Variants in STX18 observed in about 807,000 individuals in gnomAD.
STX18 encodes the protein syntaxin-18.
Under a neutral mutation model 50.1 loss-of-function variants are expected in STX18, and 40 were observed. The ratio of observed to expected loss-of-function variants is 0.80; its 90% CI spans 0.62 to 1.04. STX18 has a LOEUF of 1.04. Among genes scored for constraint, STX18 ranks in the 50% least tolerant of loss-of-function variants. The probability of loss-of-function intolerance (pLI) is 0.00; values close to 1 mark genes in which losing one functional copy is unlikely to be tolerated. For synonymous variants in STX18, 158 were observed against 151.8 expected, an observed-to-expected ratio of 1.04 and a Z score of -0.30; for missense variants, 410 against 415.8, an observed-to-expected ratio of 0.99 and a Z score of 0.12.
intron 1 of STX18, among the ~76,000 whole-genome samples, chr4:4,495,005 T>C (rs970080514): frequency 6.6e-6 from 1 of 152,206 alleles, no homozygotes; most frequent in African/African-American, 2.4e-5. Flanking sequence ...GATTCTAATG[T>C]ACAATCAGGG....
chr4:4,480,466 G>C (rs776585295), intron 1 of STX18, among the ~76,000 whole-genome samples: 19 of 152,096 alleles, frequency 1.2e-4, no homozygotes, highest in Non-Finnish European at 1.9e-4. Context: ...CCTCCTAAAG[G>C]CTTCCCTGCT....
intron 7 of STX18, among the ~76,000 whole-genome samples, chr4:4,428,857 G>C (rs1173484082): frequency 6.6e-6 from 1 of 152,184 alleles, no homozygotes; most frequent in Non-Finnish European, 1.5e-5. Flanking sequence ...ACACAATCAA[G>C]GAAATTCTTA....
At chr4:4,478,205 C>A (rs1728287240) in intron 1 of STX18, among the ~76,000 whole-genome samples, 2 of 147,230 alleles carry the variant, frequency 1.4e-5, no homozygotes, top group African/African-American at 5.2e-5. Context: ...ATTAACTACA[C>A]TGGATACAGA....
At chr4:4,508,557 CTTTTAT>C (rs1287970278) in intron 1 of STX18, among the ~76,000 whole-genome samples, 4 of 151,946 alleles carry the variant, frequency 2.6e-5, no homozygotes, top group Admixed American at 1.3e-4. Context: ...TTTTCTTCAA[CTTTTAT>C]TTTAAGTTCT....
intron 1 of STX18, among the ~76,000 whole-genome samples, chr4:4,472,390 A>G (rs1727967584): frequency 6.6e-6 from 1 of 152,260 alleles, no homozygotes; most frequent in Non-Finnish European, 1.5e-5. Flanking sequence ...ACCACAGTCA[A>G]TAGGGACAAA....
chr4:4,478,639 G>C (rs1036169588), intron 1 of STX18: 1 of 152,276 alleles, frequency 6.6e-6, no homozygotes, highest in African/African-American at 2.4e-5. Context: ...CAAGGTGCCT[G>C]GGTTCTACTC....
intron 1 of STX18, among the ~76,000 whole-genome samples, chr4:4,518,680 ATTTC>A (rs747732875): frequency 2.6e-5 from 4 of 152,124 alleles, no homozygotes; most frequent in South Asian, 2.1e-4. Context: ...TTCTTCCTTA[ATTTC>A]TTTAATTTCA....
At chr4:4,428,916 C>T (rs28485053) in intron 7 of STX18, among the ~76,000 whole-genome samples, 30,512 of 152,098 alleles carry the variant, frequency 0.2, 3,284 homozygotes, top group African/African-American at 0.27. Context: ...ATGGTGGGTA[C>T]GGTGGGCAGG....
chr4:4,502,178 G>A (rs929448410), intron 1 of STX18, among the ~76,000 whole-genome samples: 1 of 152,110 alleles, frequency 6.6e-6, no homozygotes, highest in Admixed American at 6.5e-5. Context: ...AGCACTATAG[G>A]CAAAAGGGAA....
Position 4,419,684 on chromosome 4 carries a change from G to A in STX18, c.*350C>T, listed in dbSNP as rs139352692. 5 of 198,820 alleles carry A rather than the reference G, an allele frequency of 2.5e-5. No homozygotes were observed. Among genetic ancestry groups the A allele is most frequent in the African/African-American group, 1.2e-4 (5 of 43,402 alleles). The allele number at this position is 198,820 out of a possible 1,614,324, so 12.3% of individuals were successfully genotyped here. The stretch of plus-strand genomic sequence containing the variant: ...GTCAGTGTCTTCCTTTGAACCCTGA[G>A]ACAATTAGGGGCTCTTGAGGCCTGC... On this transcript the variant is annotated 3_prime_UTR_variant, in exon 11 of 11. Transcript: ENST00000306200.
intron 6 of STX18, among the ~76,000 whole-genome samples, chr4:4,437,071 T>C (rs1725829430): frequency 1.3e-5 from 2 of 151,500 alleles, no homozygotes; most frequent in African/African-American, 4.8e-5. Context: ...GTGATTCTCC[T>C]GCCTCAGCCT....
At position 4,507,542 on chromosome 4, in the gene STX18, A is replaced by T. The variant is rs992319299; in HGVS notation, c.168+34255T>A. On this transcript the variant is annotated intron_variant, in intron 1 of 10. Coordinates refer to ENST00000306200, the MANE Select transcript of STX18 (RefSeq NM_016930.4). ...CGAAAAAGCCGCACAAAAAATAAGC[A>T]AAAGCGTCCCAGGAGTGCACTCTGA... 14 of 771,106 alleles carry T rather than the reference A, an allele frequency of 1.8e-5. No individual in the cohort carries two copies. The African/African-American group carries it at 2.4e-4, about 13-fold the overall frequency. 47.8% of individuals were successfully genotyped at this position (771,106 alleles called of 1,614,324 possible).
chr4:4,423,591 C>CA lies in STX18; in HGVS notation c.762-5dup. 1 of 1,613,978 alleles carries CA rather than the reference C, an allele frequency of 6.2e-7. No homozygotes were observed. The highest frequency in any genetic ancestry group is 8.5e-7 in the Non-Finnish European group (1 of 1,179,878). On this transcript the variant is annotated splice_polypyrimidine_tract_variant and splice_region_variant and intron_variant, in intron 8 of 10. Transcript: ENST00000306200. Reference sequence around the variant, plus strand: ...AACCACTCTCCCTTCGATTTGCCTTCATAAAAAGAACAGATTACATATTAA... The same window carrying CA: ...AACCACTCTCCCTTCGATTTGCCTTCAATAAAAAGAACAGATTACATATTAA...
intron 2 of STX18, among the ~76,000 whole-genome samples, chr4:4,471,187 G>A (rs1727896523): frequency 1.3e-5 from 2 of 152,196 alleles, no homozygotes; most frequent in African/African-American, 2.4e-5. Context: ...ATGATCCAGC[G>A]ACGTGAGGGT....
chr4:4,446,413 T>C (rs1464962388), intron 5 of STX18, among the ~76,000 whole-genome samples: 1 of 152,226 alleles, frequency 6.6e-6, no homozygotes, highest in African/African-American at 2.4e-5. Context: ...TTGCAGCATG[T>C]ATATAAGGAT....
At chr4:4,456,338 C>T (rs188719197) in intron 5 of STX18, among the ~76,000 whole-genome samples, 1 of 152,220 alleles carries the variant, frequency 6.6e-6, no homozygotes, top group East Asian at 1.9e-4. Flanking sequence ...GAAAGAACAT[C>T]CTAAAACCTT....
intron 1 of STX18, among the ~76,000 whole-genome samples, chr4:4,516,470 G>A (rs765416377): frequency 6.6e-6 from 1 of 152,060 alleles, no homozygotes; most frequent in African/African-American, 2.4e-5. Context: ...GGAAAAAATT[G>A]AAAAATTATG....
At chr4:4,540,940 T>C (rs184402351) in intron 1 of STX18, among the ~76,000 whole-genome samples, 2 of 152,190 alleles carry the variant, frequency 1.3e-5, no homozygotes, top group Admixed American at 6.5e-5. Context: ...GAATCTTTCT[T>C]GGTGATTTTT....
intron 5 of STX18, among the ~76,000 whole-genome samples, chr4:4,446,180 C>T (rs1393157680): frequency 6.6e-6 from 1 of 151,798 alleles, no homozygotes; most frequent in Non-Finnish European, 1.5e-5. Flanking sequence ...AAACCTCAAC[C>T]CCATTTCATC....
Sources: allele counts gnomAD v4.1 joint callset (sites outside exome capture counted in the v4.1 genomes callset), GRCh38; gene constraint gnomAD v4.1.1; transcripts MANE v1.5; gene names NCBI Gene and HGNC (gene_info 2026-07-23, HGNC 2026-07-21).